AGBL1: variants seen among roughly 807,000 people sequenced by gnomAD.
AGBL1 encodes cytosolic carboxypeptidase 4.
In AGBL1, 130 loss-of-function variants were observed where a neutral mutation model predicts 118.9. The ratio of observed to expected loss-of-function variants is 1.09; its 90% confidence interval spans 0.95 to 1.26. The LOEUF (loss-of-function observed/expected upper bound fraction) is 1.26, where lower values mean the gene tolerates loss of function less well. AGBL1 is among the 50% of genes most tolerant of loss of function. The probability of loss-of-function intolerance (pLI) is 0.00; values close to 1 mark genes in which losing one functional copy is unlikely to be tolerated. For synonymous variants in AGBL1, 555 were observed against 478.9 expected (o/e 1.16, Z -2.08); for missense variants, 1,584 against 1,298.1 (o/e 1.22, Z -3.38).
chr15:86,776,787 TGTGA>T (rs1363068370), intron 22 of AGBL1, among the ~76,000 whole-genome samples: 41 of 128,244 alleles, frequency 3.2e-4, no homozygotes, highest in African/African-American at 1.2e-3. Flanking sequence ...TGTGTGTGTG[TGTGA>T]GAGAGAGAGA....
chr15:86,501,069 G>C (rs2082912555), intron 18 of AGBL1, among the ~76,000 whole-genome samples: 1 of 150,286 alleles, frequency 6.7e-6, no homozygotes. Flanking sequence ...CTATATGTTT[G>C]ACACTTTAAG....
At chr15:86,766,216 A>C (rs1015166736) in intron 22 of AGBL1, among the ~76,000 whole-genome samples, 153 of 152,002 alleles carry the variant, frequency 1.0e-3, no homozygotes, top group African/African-American at 3.5e-3. Flanking sequence ...GTCAAACCCA[A>C]GTGGTGCAGC....
chr15:86,868,295 A>G (rs1455415925), intron 22 of AGBL1, among the ~76,000 whole-genome samples: 1 of 152,248 alleles, frequency 6.6e-6, no homozygotes, highest in African/African-American at 2.4e-5. Flanking sequence ...AGGACTATTC[A>G]TATGTGGCAC....
intron 22 of AGBL1, among the ~76,000 whole-genome samples, chr15:86,710,354 G>A (rs2142684040): frequency 6.6e-6 from 1 of 152,236 alleles, no homozygotes; most frequent in East Asian, 1.9e-4. Flanking sequence ...TTTGAATCAA[G>A]AGATATAAAT....
chr15:86,871,871 T>C (rs1056915015), intron 22 of AGBL1, among the ~76,000 whole-genome samples: 2 of 152,154 alleles, frequency 1.3e-5, no homozygotes, highest in African/African-American at 4.8e-5. Flanking sequence ...AATAAAATGA[T>C]TGGTTGAATT....
At chr15:86,290,511 C>T (rs942432321) in intron 16 of AGBL1, among the ~76,000 whole-genome samples, 5 of 151,154 alleles carry the variant, frequency 3.3e-5, no homozygotes, top group African/African-American at 1.2e-4. Context: ...CCACCATGCC[C>T]AGCAATTTTT....
intron 17 of AGBL1, among the ~76,000 whole-genome samples, chr15:86,342,403 C>T (rs2080474490): frequency 6.6e-6 from 1 of 152,036 alleles, no homozygotes; most frequent in African/African-American, 2.4e-5. Flanking sequence ...AAATGCTGGC[C>T]TAATAACTGA....
chr15:86,822,050 C>G (rs938744266), intron 22 of AGBL1, among the ~76,000 whole-genome samples: 1 of 152,170 alleles, frequency 6.6e-6, no homozygotes, highest in Non-Finnish European at 1.5e-5. Flanking sequence ...TGCACAGTAC[C>G]TGTTCAGTGT....
intron 17 of AGBL1, among the ~76,000 whole-genome samples, chr15:86,396,250 T>G (rs879988065): frequency 7.0e-6 from 1 of 143,332 alleles, no homozygotes; most frequent in Non-Finnish European, 1.6e-5. Flanking sequence ...TGTGTATATA[T>G]ATATATATAT....
chr15:86,649,163 A>C (rs1283359451), intron 21 of AGBL1, among the ~76,000 whole-genome samples: 1 of 152,208 alleles, frequency 6.6e-6, no homozygotes, highest in Non-Finnish European at 1.5e-5. Flanking sequence ...ACCTGAAAGA[A>C]TTGACCTTAA....
chr15:86,716,515 G>C (rs1049211824), intron 22 of AGBL1, among the ~76,000 whole-genome samples: 2 of 152,086 alleles, frequency 1.3e-5, no homozygotes, highest in African/African-American at 4.8e-5. Context: ...CTACAGCTTG[G>C]AAGATCCCAG....
rs7168028 is a variant in AGBL1 at position 86,660,811 on chromosome 15, C to A, written c.2995-13462C>A. 5.3e-5 allele frequency among the ~76,000 whole-genome samples: 8 copies of A among 152,052 alleles called. No homozygotes were observed. The South Asian group carries it at 1.0e-3, about 20-fold the overall frequency. On this transcript the variant is annotated intron_variant, in intron 21 of 22. Coordinates refer to ENST00000614907, the MANE Select transcript of AGBL1 (RefSeq NM_001386094.1). Reference sequence around the variant, plus strand: ...CTAGCCATGCGTAAATCTGCAGACTCTAATGTATATTAGCCTCTCTTCCTG... The same window carrying A: ...CTAGCCATGCGTAAATCTGCAGACTATAATGTATATTAGCCTCTCTTCCTG...
chr15:86,904,708 A>G (rs1377376493), intron 22 of AGBL1, among the ~76,000 whole-genome samples: 1 of 150,020 alleles, frequency 6.7e-6, no homozygotes, highest in Non-Finnish European at 1.5e-5. Context: ...ACAAAACCAT[A>G]TTTGTTATAA....
At chr15:86,687,834 A>G (rs528985217) in intron 22 of AGBL1, among the ~76,000 whole-genome samples, 1 of 152,256 alleles carries the variant, frequency 6.6e-6, no homozygotes, top group East Asian at 1.9e-4. Flanking sequence ...CCTCAGATAT[A>G]CACTGAAATA....
chr15:86,668,170 A>T (rs534685424), intron 21 of AGBL1, among the ~76,000 whole-genome samples: 1 of 152,166 alleles, frequency 6.6e-6, no homozygotes, highest in African/African-American at 2.4e-5. Context: ...CTCCCACCAG[A>T]CCCCACCTCC....
intron 18 of AGBL1, among the ~76,000 whole-genome samples, chr15:86,439,287 G>C (rs2082034352): frequency 6.6e-6 from 1 of 152,074 alleles, no homozygotes; most frequent in African/African-American, 2.4e-5. Context: ...ATCACTCAAG[G>C]GTCGCAAATT....
At chr15:86,688,502 T>G (rs1044205811) in intron 22 of AGBL1, among the ~76,000 whole-genome samples, 4 of 152,170 alleles carry the variant, frequency 2.6e-5, no homozygotes, top group Non-Finnish European at 4.4e-5. Context: ...CAAATATTGT[T>G]TTACTGTCCA....
chr15:86,150,248 G>A (rs1384695585), intron 3 of AGBL1, among the ~76,000 whole-genome samples: 3 of 152,098 alleles, frequency 2.0e-5, no homozygotes, highest in African/African-American at 7.2e-5. Context: ...AAATGCAAAA[G>A]CTAGCATAAG....
At chr15:86,492,099 G>A (rs1291857275) in intron 18 of AGBL1, among the ~76,000 whole-genome samples, 3 of 151,990 alleles carry the variant, frequency 2.0e-5, no homozygotes, top group African/African-American at 7.2e-5. Context: ...AGGGAAATTT[G>A]TATAAATTGA....
Sources: gnomAD v4.1 joint callset for allele counts (sites outside exome capture counted in the v4.1 genomes callset) on GRCh38, gnomAD v4.1.1 for gene constraint, MANE v1.5 for transcripts, NCBI Gene and HGNC (gene_info 2026-07-23, HGNC 2026-07-21) for gene names.